KHDRBS3: variants seen among roughly 807,000 people sequenced by gnomAD.
KHDRBS3 encodes KH RNA binding domain containing, signal transduction associated 3.
Under a neutral mutation model 45.6 loss-of-function variants are expected in KHDRBS3, and 23 were observed. The ratio of observed to expected loss-of-function variants is 0.50; its 90% confidence interval spans 0.36 to 0.72. KHDRBS3 has a LOEUF of 0.72. KHDRBS3 is among the 30% of genes least tolerant of loss of function. KHDRBS3 has a pLI of 0.00. For synonymous variants in KHDRBS3, 162 were observed against 156.5 expected (o/e 1.04, Z -0.26); for missense variants, 352 against 424.8 (o/e 0.83, Z 1.51).
chr8:135,548,616 A>T, intron 3 of KHDRBS3, 138 bp from the exon 4 acceptor site: 1 of 574,904 alleles, frequency 1.7e-6, no homozygotes, highest in Non-Finnish European at 2.8e-6. Flanking sequence ...TCTTTTTTAG[A>T]GTAGTGTCTA....
At chr8:135,591,980 A>T (rs759034620) in intron 6 of KHDRBS3, among the ~76,000 whole-genome samples, 1 of 152,226 alleles carries the variant, frequency 6.6e-6, no homozygotes, top group Non-Finnish European at 1.5e-5. Flanking sequence ...AAGGTTATTT[A>T]TGAAAATGCA....
intron 1 of KHDRBS3, among the ~76,000 whole-genome samples, chr8:135,502,804 T>C (rs1271912601): frequency 6.6e-6 from 1 of 152,204 alleles, no homozygotes; most frequent in Non-Finnish European, 1.5e-5. Flanking sequence ...ATGTCTCAAT[T>C]TCAGTGGCAT....
intron 1 of KHDRBS3, among the ~76,000 whole-genome samples, chr8:135,512,063 T>A (rs1586637551): frequency 6.6e-6 from 1 of 152,150 alleles, no homozygotes; most frequent in East Asian, 1.9e-4. Context: ...TCAATCTAGT[T>A]TGGGTAGTTA....
intron 5 of KHDRBS3, among the ~76,000 whole-genome samples, chr8:135,572,155 T>C (rs1827731298): frequency 6.6e-6 from 1 of 152,068 alleles, no homozygotes. Flanking sequence ...TAGTTAGAAA[T>C]GACAGAGAAA....
chr8:135,638,258 C>T (rs1390410812), intron 7 of KHDRBS3, among the ~76,000 whole-genome samples: 1 of 152,174 alleles, frequency 6.6e-6, no homozygotes, highest in Non-Finnish European at 1.5e-5. Flanking sequence ...GGTGTTGGAT[C>T]CCAGAGTAAA....
At chr8:135,617,261 TTTTA>T (rs1829957663) in intron 7 of KHDRBS3, among the ~76,000 whole-genome samples, 1 of 128,036 alleles carries the variant, frequency 7.8e-6, no homozygotes, top group African/African-American at 3.1e-5. Flanking sequence ...TTTTATTTTA[TTTTA>T]TTTTATTTTA....
At chr8:135,494,105 A>G (rs1436720399) in intron 1 of KHDRBS3, among the ~76,000 whole-genome samples, 2 of 151,922 alleles carry the variant, frequency 1.3e-5, no homozygotes, top group Non-Finnish European at 2.9e-5. Context: ...TATTCCTGAT[A>G]CTATTAATTC....
intron 7 of KHDRBS3, among the ~76,000 whole-genome samples, chr8:135,614,474 G>T (rs1829832171): frequency 6.6e-6 from 1 of 151,722 alleles, no homozygotes; most frequent in Admixed American, 6.6e-5. Flanking sequence ...TTTAGTCTAT[G>T]TTTCTGAAAA....
chr8:135,647,028 C>A lies in KHDRBS3; in HGVS notation c.985C>A (p.Pro329Thr), dbSNP rs1199602337. 1 of 1,609,760 alleles carries A rather than the reference C, an allele frequency of 6.2e-7. No individual in the cohort carries two copies. The highest frequency in any genetic ancestry group is 1.3e-5 in the African/African-American group (1 of 74,792). ...EEWTNSRHKA[P>T]SARTAKGVYR... The stretch of plus-strand genomic sequence containing the variant: ...GTGGACTAACTCAAGACACAAGGCA[C>A]CTTCAGCGAGGACAGCAAAGGGCGT... The change falls in exon 9 of 9, where the codon CCT (proline) becomes ACT (threonine). Residue 329 changes from proline to threonine, a missense_variant. Coordinates refer to ENST00000355849, the MANE Select transcript of KHDRBS3 (RefSeq NM_006558.3).
intron 7 of KHDRBS3, among the ~76,000 whole-genome samples, chr8:135,631,137 A>G (rs554803152): frequency 5.2e-4 from 79 of 150,926 alleles, no homozygotes; most frequent in African/African-American, 1.8e-3. Context: ...TGTAATCCCA[A>G]CTACACAGGA....
At chr8:135,515,365 TAAAAAAAAA>T (rs59502823) in intron 1 of KHDRBS3, among the ~76,000 whole-genome samples, 798 of 39,688 alleles carry the variant, frequency 0.02, 39 homozygotes, top group African/African-American at 0.057. Flanking sequence ...GACTCCGTCT[TAAAAAAAAA>T]AAAAAAAAAA....
chr8:135,466,369 G>T (rs1821699990), intron 1 of KHDRBS3, among the ~76,000 whole-genome samples: 1 of 152,130 alleles, frequency 6.6e-6, no homozygotes, highest in African/African-American at 2.4e-5. Context: ...AGGTTAGAGG[G>T]ATTTATAACT....
At chr8:135,607,102 C>A in intron 7 of KHDRBS3, 65 bp downstream of exon 7, 1 of 1,310,290 alleles carries the variant, frequency 7.6e-7, no homozygotes, top group South Asian at 1.3e-5. Flanking sequence ...TTCATATATT[C>A]TGGGAAAAGT....
intron 1 of KHDRBS3, among the ~76,000 whole-genome samples, chr8:135,497,600 TTATTAGGACAAAAAAAGTAATA>T (rs994454410): frequency 6.6e-6 from 1 of 152,130 alleles, no homozygotes; most frequent in African/African-American, 2.4e-5. Flanking sequence ...AATTATAAGG[TTATTAGGACAAAAAAAGTAATA>T]TATCAAAATA....
intron 4 of KHDRBS3, among the ~76,000 whole-genome samples, chr8:135,550,243 C>T (rs1389136608): frequency 6.6e-6 from 1 of 152,124 alleles, no homozygotes; most frequent in Non-Finnish European, 1.5e-5. Flanking sequence ...ATCCCATGAC[C>T]CTTACGATCC....
At chr8:135,533,462 C>G (rs1309335097) in intron 2 of KHDRBS3, among the ~76,000 whole-genome samples, 1 of 151,992 alleles carries the variant, frequency 6.6e-6, no homozygotes, top group Non-Finnish European at 1.5e-5. Context: ...ATAGAACAGG[C>G]TTATGATTTT....
At chr8:135,527,262 A>C (rs963609789) in intron 2 of KHDRBS3, among the ~76,000 whole-genome samples, 1 of 152,176 alleles carries the variant, frequency 6.6e-6, no homozygotes, top group Non-Finnish European at 1.5e-5. Context: ...TAATATTAAT[A>C]ATACAGGTTG....
intron 5 of KHDRBS3, among the ~76,000 whole-genome samples, chr8:135,580,504 T>TA (rs1294343046): frequency 1.3e-5 from 2 of 152,046 alleles, no homozygotes; most frequent in East Asian, 3.8e-4. Flanking sequence ...TCATGTAAGT[T>TA]AAAAAATGTG....
intron 5 of KHDRBS3, among the ~76,000 whole-genome samples, chr8:135,564,599 G>C (rs1322887412): frequency 6.6e-6 from 1 of 152,072 alleles, no homozygotes; most frequent in Non-Finnish European, 1.5e-5. Context: ...GCGTCTTTAT[G>C]ATATTGTCCT....
Sources: gnomAD v4.1 joint callset for allele counts (sites outside exome capture counted in the v4.1 genomes callset) on GRCh38, gnomAD v4.1.1 for gene constraint, MANE v1.5 for transcripts, NCBI Gene and HGNC (gene_info 2026-07-23, HGNC 2026-07-21) for gene names.